KAZN: variants seen among roughly 807,000 people sequenced by gnomAD.
The protein encoded by KAZN is kazrin, periplakin interacting protein, also known as kazrin.
Under a neutral mutation model 87.4 loss-of-function variants are expected in KAZN, and 40 were observed. That is an observed-to-expected ratio of 0.46 (90% CI 0.36 to 0.60). The LOEUF is 0.60. Among genes scored for constraint, KAZN ranks in the 20% least tolerant of loss-of-function variants. The pLI is 0.00. For missense variants in KAZN, 898 were observed against 1,073.9 expected, an observed-to-expected ratio of 0.84 and a Z score of 2.29; for synonymous variants, 466 against 458.3, an observed-to-expected ratio of 1.02 and a Z score of -0.22.
intron 2 of KAZN, among the ~76,000 whole-genome samples, chr1:14,452,256 A>C (rs1318546276): frequency 1.3e-5 from 2 of 152,080 alleles, no homozygotes; most frequent in African/African-American, 2.4e-5. Context: ...GAATGGGTAG[A>C]CTAAGGAAAG....
intron 2 of KAZN, among the ~76,000 whole-genome samples, chr1:14,388,537 GATAA>G (rs1662147686): frequency 6.6e-6 from 1 of 151,974 alleles, no homozygotes; most frequent in Non-Finnish European, 1.5e-5. Flanking sequence ...AGAACCCAGA[GATAA>G]ATAGATACAT....
At chr1:14,367,661 C>A (rs545473872) in intron 2 of KAZN, among the ~76,000 whole-genome samples, 1 of 152,108 alleles carries the variant, frequency 6.6e-6, no homozygotes, top group African/African-American at 2.4e-5. Context: ...GTCAACATCA[C>A]CCCACCCCTT....
intron 2 of KAZN, among the ~76,000 whole-genome samples, chr1:14,396,083 G>T (rs1033672603): frequency 2.0e-5 from 3 of 148,756 alleles, no homozygotes; most frequent in South Asian, 2.2e-4. Context: ...CAAGAGAATC[G>T]CTTGAACCCG....
intron 1 of KAZN, among the ~76,000 whole-genome samples, chr1:14,016,693 AC>A (rs1349792244): frequency 6.6e-6 from 1 of 151,900 alleles, no homozygotes; most frequent in Non-Finnish European, 1.5e-5. Flanking sequence ...GCTTCCTCTG[AC>A]CTTTGTTTTT....
At chr1:13,982,482 C>T (rs374799847) in intron 1 of KAZN, among the ~76,000 whole-genome samples, 1 of 152,306 alleles carries the variant, frequency 6.6e-6, no homozygotes, top group African/African-American at 2.4e-5. Context: ...AAAGAGTGAG[C>T]AGTAGGAAGA....
chr1:13,970,514 G>A (rs754172275), intron 1 of KAZN, among the ~76,000 whole-genome samples: 1 of 152,154 alleles, frequency 6.6e-6, no homozygotes, highest in African/African-American at 2.4e-5. Flanking sequence ...ACTTGCAAAC[G>A]TTCACTCATT....
chr1:14,130,649 C>A (rs1219963041), intron 1 of KAZN, among the ~76,000 whole-genome samples: 1 of 151,862 alleles, frequency 6.6e-6, no homozygotes, highest in Admixed American at 6.6e-5. Flanking sequence ...ATTTTAGTAA[C>A]CAGAAAGCTG....
chr1:14,958,526 T>C (rs1440238533), intron 1 of KAZN, among the ~76,000 whole-genome samples: 1 of 152,106 alleles, frequency 6.6e-6, no homozygotes, highest in African/African-American at 2.4e-5. Flanking sequence ...TTCCAATGCC[T>C]CCGAGGAGCC....
At chr1:14,396,291 C>G (rs1662897111) in intron 2 of KAZN, among the ~76,000 whole-genome samples, 1 of 152,098 alleles carries the variant, frequency 6.6e-6, no homozygotes, top group Non-Finnish European at 1.5e-5. Context: ...CTGTATGTCT[C>G]TAGGGGGATC....
At chr1:14,016,533 G>C (rs1450061367) in intron 1 of KAZN, among the ~76,000 whole-genome samples, 2 of 152,014 alleles carry the variant, frequency 1.3e-5, no homozygotes, top group East Asian at 3.9e-4. Context: ...ATCAGTGTTG[G>C]GGGCATGTTT....
chr1:14,924,737 G>T (rs899817813), intron 1 of KAZN, among the ~76,000 whole-genome samples: 186 of 152,088 alleles, frequency 1.2e-3, no homozygotes, highest in African/African-American at 4.3e-3. Context: ...AGCGGGAGGC[G>T]TGCGGGACGC....
chr1:15,042,232 C>T (rs1250595757), intron 3 of KAZN, among the ~76,000 whole-genome samples: 1 of 152,224 alleles, frequency 6.6e-6, no homozygotes, highest in Non-Finnish European at 1.5e-5. Context: ...GCCTCTTGTA[C>T]ACCAGCGGGT....
intron 1 of KAZN, among the ~76,000 whole-genome samples, chr1:14,929,245 T>C (rs1659524862): frequency 6.6e-6 from 1 of 152,248 alleles, no homozygotes; most frequent in Non-Finnish European, 1.5e-5. Context: ...GTTTAAAATA[T>C]ATATAATACA....
At chr1:14,390,324 A>G (rs1403317934) in intron 2 of KAZN, among the ~76,000 whole-genome samples, 1 of 152,248 alleles carries the variant, frequency 6.6e-6, no homozygotes, top group African/African-American at 2.4e-5. Context: ...AAAAATGTAC[A>G]GTATGATTTA....
intron 1 of KAZN, among the ~76,000 whole-genome samples, chr1:14,139,949 GT>G (rs70997118): frequency 0.25 from 37,138 of 149,954 alleles, 5,759 homozygotes; most frequent in African/African-American, 0.44. Flanking sequence ...GTGTGTGTGT[GT>G]GTGTGTGTGT....
intron 4 of KAZN, among the ~76,000 whole-genome samples, chr1:15,053,460 C>T (rs1486524594): frequency 3.9e-5 from 6 of 152,204 alleles, no homozygotes; most frequent in Non-Finnish European, 8.8e-5. Flanking sequence ...TGTGAAGCAG[C>T]GACCTGCTTC....
chr1:14,731,068 C>A (rs1315479667), intron 1 of KAZN, among the ~76,000 whole-genome samples: 1 of 152,136 alleles, frequency 6.6e-6, no homozygotes, highest in African/African-American at 2.4e-5. Flanking sequence ...AAATTTATTT[C>A]TTAACAATTT....
rs115359475 is a variant in KAZN, at chr1:14,978,248, G to T, written c.418+17373G>T. Among the ~76,000 whole-genome samples the T allele has an allele frequency of 5.5e-3, 839 of 152,302 alleles. 6 individuals are homozygous for T. Among genetic ancestry groups the T allele is most frequent in the African/African-American group, 0.019 (787 of 41,554 alleles). On this transcript the variant is annotated intron_variant, in intron 2 of 14. Coordinates refer to ENST00000376030, the MANE Select transcript of KAZN (RefSeq NM_201628.3). ...CAAGATCTTCATGGCTCAGATGGGTGAGCAACTTCAGCCCAGCCTTTTCGA... is the reference window on the plus strand; with the variant it reads ...CAAGATCTTCATGGCTCAGATGGGTTAGCAACTTCAGCCCAGCCTTTTCGA...
At chr1:14,629,531 G>GT (rs1303174869) in intron 1 of KAZN, among the ~76,000 whole-genome samples, 1 of 152,198 alleles carries the variant, frequency 6.6e-6, no homozygotes, top group African/African-American at 2.4e-5. Flanking sequence ...CTCGGGTGAG[G>GT]TGGCCACGCC....
Sources: allele counts gnomAD v4.1 joint callset (sites outside exome capture counted in the v4.1 genomes callset), GRCh38; gene constraint gnomAD v4.1.1; transcripts MANE v1.5; gene names NCBI Gene and HGNC (gene_info 2026-07-23, HGNC 2026-07-21).